The following GSG1L variants were observed in gnomAD, a reference collection of about 807,000 sequenced individuals.
The protein encoded by GSG1L is germ cell-specific gene 1-like protein.
Under a neutral mutation model 42.1 loss-of-function variants are expected in GSG1L, and 24 were observed. The ratio of observed to expected loss-of-function variants is 0.57; its 90% CI spans 0.41 to 0.80. The LOEUF (loss-of-function observed/expected upper bound fraction) is 0.80, where lower values mean the gene tolerates loss of function less well. Ranked by LOEUF, GSG1L falls within the 30% of genes least tolerant of loss-of-function variation. GSG1L has a pLI of 0.00. For missense variants in GSG1L, 445 were observed against 472.2 expected (o/e 0.94, Z 0.53); for synonymous variants, 215 against 203.5 (o/e 1.06, Z -0.48).
At chr16:27,965,422 T>G (rs2085120379) in intron 1 of GSG1L, among the ~76,000 whole-genome samples, 1 of 152,220 alleles carries the variant, frequency 6.6e-6, no homozygotes, top group African/African-American at 2.4e-5. Context: ...ATATTACTAT[T>G]AAGTATTAAA....
chr16:27,954,422 A>G (rs2084984055), intron 2 of GSG1L, among the ~76,000 whole-genome samples: 1 of 152,180 alleles, frequency 6.6e-6, no homozygotes, highest in Non-Finnish European at 1.5e-5. Flanking sequence ...AAATCCTTCA[A>G]ATAGAGGAAC....
chr16:27,926,141 G>GT (rs1412882597), intron 2 of GSG1L, among the ~76,000 whole-genome samples: 3 of 152,194 alleles, frequency 2.0e-5, no homozygotes, highest in African/African-American at 7.2e-5. Flanking sequence ...GACAGACACG[G>GT]GACAGCTGAT....
At chr16:27,995,751 A>G (rs1392337911) in intron 1 of GSG1L, among the ~76,000 whole-genome samples, 4 of 151,998 alleles carry the variant, frequency 2.6e-5, no homozygotes, top group African/African-American at 9.7e-5. Flanking sequence ...GCCTCAAGCA[A>G]TTCTCCCACC....
chr16:27,957,574 C>T (rs1007438189), intron 2 of GSG1L, among the ~76,000 whole-genome samples: 1 of 152,102 alleles, frequency 6.6e-6, no homozygotes, highest in Non-Finnish European at 1.5e-5. Flanking sequence ...TGCTACCCAT[C>T]GAAGGTCTTG....
intron 1 of GSG1L, among the ~76,000 whole-genome samples, chr16:27,999,607 C>T (rs184520744): frequency 1.7e-3 from 259 of 152,224 alleles, no homozygotes; most frequent in Non-Finnish European, 3.0e-3. Flanking sequence ...TTCTATATGC[C>T]GGCACTTAGC....
chr16:27,876,806 C>T (rs776297304), intron 3 of GSG1L, among the ~76,000 whole-genome samples: 3 of 152,126 alleles, frequency 2.0e-5, no homozygotes, highest in Non-Finnish European at 2.9e-5. Context: ...TAAGATGGCA[C>T]CTGAAATTCA....
intron 1 of GSG1L, among the ~76,000 whole-genome samples, chr16:28,053,604 G>C (rs1042875769): frequency 3.9e-5 from 6 of 152,218 alleles, no homozygotes; most frequent in Non-Finnish European, 8.8e-5. Flanking sequence ...AGAGCAAGGC[G>C]AGGCGGGAAG....
intron 2 of GSG1L, among the ~76,000 whole-genome samples, chr16:27,918,146 C>T (rs2084480265): frequency 6.6e-6 from 1 of 152,118 alleles, no homozygotes; most frequent in Non-Finnish European, 1.5e-5. Context: ...ATTGCATAAC[C>T]TCTGATTTGG....
intron 1 of GSG1L, among the ~76,000 whole-genome samples, chr16:28,017,761 A>G (rs2085796913): frequency 1.3e-5 from 2 of 152,254 alleles, no homozygotes; most frequent in African/African-American, 4.8e-5. Context: ...TATTTAGATG[A>G]AATTCAAGGA....
intron 1 of GSG1L, among the ~76,000 whole-genome samples, chr16:28,008,700 C>T (rs932984451): frequency 1.3e-5 from 2 of 152,238 alleles, no homozygotes; most frequent in African/African-American, 2.4e-5. Context: ...TCACGGTGGC[C>T]GGCAGGGCCC....
At chr16:27,827,484 G>A (rs2083223604) in intron 5 of GSG1L, among the ~76,000 whole-genome samples, 1 of 152,132 alleles carries the variant, frequency 6.6e-6, no homozygotes, top group Non-Finnish European at 1.5e-5. Flanking sequence ...CAGCTAGCAG[G>A]GTGTAGGTTG....
chr16:27,825,786 A>G (rs2083201907), intron 5 of GSG1L, among the ~76,000 whole-genome samples: 1 of 152,146 alleles, frequency 6.6e-6, no homozygotes, highest in Non-Finnish European at 1.5e-5. Context: ...GGGAGTTCTC[A>G]TGAGATCTAA....
At chr16:27,958,936 A>G (rs1173688508) in intron 2 of GSG1L, among the ~76,000 whole-genome samples, 1 of 152,192 alleles carries the variant, frequency 6.6e-6, no homozygotes, top group Non-Finnish European at 1.5e-5. Flanking sequence ...TGTACTCCCA[A>G]AGTGCTGGGA....
chr16:27,979,292 A>C (rs1299975232), intron 1 of GSG1L, among the ~76,000 whole-genome samples: 1 of 151,994 alleles, frequency 6.6e-6, no homozygotes, highest in Non-Finnish European at 1.5e-5. Context: ...AAGGTCGGAC[A>C]TGATAGCTCA....
At chr16:27,827,771 T>C (rs1394078206) in intron 5 of GSG1L, among the ~76,000 whole-genome samples, 1 of 152,080 alleles carries the variant, frequency 6.6e-6, no homozygotes, top group Non-Finnish European at 1.5e-5. Flanking sequence ...CTTCCACTCA[T>C]ACCTACTCAT....
rs141083348 is a variant in GSG1L at position 27,831,764 on chromosome 16, C to T, written c.663-2808G>A. ...AGAAAAGCCTACATCCCCGCCTTTC[C>T]ATGTACTTTACATGCAAGATCTTTT... On this transcript the variant is annotated intron_variant, in intron 4 of 6. Transcript: ENST00000447459. Among the ~76,000 whole-genome samples, 224 of 152,338 alleles carry T rather than the reference C, an allele frequency of 1.5e-3. 3 individuals are homozygous for T. In the East Asian group the frequency reaches 0.038, roughly 26 times the overall value.
chr16:27,882,394 T>C (rs1038955921), intron 3 of GSG1L, among the ~76,000 whole-genome samples: 1 of 152,078 alleles, frequency 6.6e-6, no homozygotes, highest in Admixed American at 6.5e-5. Context: ...CCCGACCGTG[T>C]TGCCCCTTGC....
chr16:27,947,936 C>T (rs1284670706), intron 2 of GSG1L, among the ~76,000 whole-genome samples: 1 of 152,090 alleles, frequency 6.6e-6, no homozygotes, highest in South Asian at 2.1e-4. Context: ...AAGAAGAAAG[C>T]AGAAGGAGGT....
chr16:27,794,400 G>T (rs1306712450), intron 6 of GSG1L, among the ~76,000 whole-genome samples: 1 of 151,220 alleles, frequency 6.6e-6, no homozygotes, highest in Non-Finnish European at 1.5e-5. Flanking sequence ...GCGCGATCTC[G>T]GCTCACTGCC....
Sources: allele counts gnomAD v4.1 joint callset (sites outside exome capture counted in the v4.1 genomes callset), GRCh38; gene constraint gnomAD v4.1.1; transcripts MANE v1.5; gene names NCBI Gene and HGNC (gene_info 2026-07-23, HGNC 2026-07-21).